HLTF: variants seen among roughly 807,000 people sequenced by gnomAD.
The protein encoded by HLTF is DNA-dependent ATPase/E3 ubiquitin-protein ligase HLTF.
A neutral mutation model predicts 129.4 loss-of-function variants in HLTF; 127 were observed. That is an observed-to-expected ratio of 0.98 (90% confidence interval 0.85 to 1.14). HLTF has a LOEUF of 1.14. Among genes scored for constraint, HLTF ranks in the 50% most tolerant of loss-of-function variants. The pLI, the probability that HLTF is intolerant of heterozygous loss-of-function variation, is 0.00. For missense variants in HLTF, 1,139 were observed against 1,187.1 expected (o/e 0.96, Z 0.60); for synonymous variants, 332 against 388.8 (o/e 0.85, Z 1.72).
chr3:149,076,546 C>T (rs1350848160), intron 2 of HLTF, among the ~76,000 whole-genome samples: 1 of 152,162 alleles, frequency 6.6e-6, no homozygotes, highest in African/African-American at 2.4e-5. Context: ...AGGATCTGAA[C>T]CCACACAGGG....
At position 149,042,103 on chromosome 3, in the gene HLTF, T is replaced by G. The variant is rs1377640025; in HGVS notation, c.2197+63A>C. ...TAAATGTATGCCACATAAAAAAAAT[T>G]TATCACTCTTATTTAAGTATCTCTG... On this transcript the variant is annotated intron_variant, in intron 19 of 24. Coordinates refer to ENST00000310053, the MANE Select transcript of HLTF (RefSeq NM_003071.4). 6 of 1,476,850 alleles carry G rather than the reference T, an allele frequency of 4.1e-6. No individual in the cohort carries two copies. The African/African-American group carries it at 4.2e-5, about 10-fold the overall frequency. 91.5% of individuals were successfully genotyped at this position (1,476,850 alleles called of 1,614,324 possible).
At chr3:149,055,421 T>C (rs574484682) in intron 13 of HLTF, 21 bp from the exon 14 acceptor site, 48 of 1,511,292 alleles carry the variant, frequency 3.2e-5, no homozygotes, top group African/African-American at 3.2e-4. Flanking sequence ...GAACCACTGA[T>C]AGAACCTTTA....
intron 13 of HLTF, among the ~76,000 whole-genome samples, chr3:149,058,887 T>C (rs895512029): frequency 6.6e-6 from 1 of 152,214 alleles, no homozygotes; most frequent in African/African-American, 2.4e-5. Flanking sequence ...GTAATTTAAT[T>C]CTATCTCAAC....
rs1576565678 is a variant in HLTF, at chr3:149,033,109, A to G, written c.2878-737T>C. Among the ~76,000 whole-genome samples, 4 of 152,290 alleles carry G rather than the reference A, an allele frequency of 2.6e-5. No individual in the cohort carries two copies. In the East Asian group the frequency reaches 7.7e-4, roughly 29 times the overall value. On this transcript the variant is annotated intron_variant, in intron 24 of 24. Transcript: ENST00000310053. ...TTTAAAATACCCCAACTAGGAATGA[A>G]TGTCTCAACCTTACATATTTAATGT...
chr3:149,039,520 C>A, intron 22 of HLTF, 61 bp downstream of exon 22: 1 of 775,748 alleles, frequency 1.3e-6, no homozygotes, highest in South Asian at 2.3e-5. Context: ...TTTTTGCTAT[C>A]CAAATCAATA....
intron 8 of HLTF, 63 bp downstream of exon 8, chr3:149,068,177 G>A: frequency 1.5e-6 from 1 of 676,650 alleles, no homozygotes; most frequent in Non-Finnish European, 2.6e-6. Context: ...TTTTAATGAT[G>A]AAATTTAAAG....
intron 14 of HLTF, 89 bp downstream of exon 14, chr3:149,055,214 C>T (rs1213999564): frequency 1.2e-6 from 1 of 824,610 alleles, no homozygotes; most frequent in Non-Finnish European, 1.9e-6. Flanking sequence ...AGTATATTTA[C>T]CCCAATGAAT....
intron 10 of HLTF, among the ~76,000 whole-genome samples, chr3:149,062,574 A>G (rs1166736869): frequency 6.6e-6 from 1 of 152,240 alleles, no homozygotes; most frequent in African/African-American, 2.4e-5. Flanking sequence ...CAGAAGATAA[A>G]TGAAGTTTGT....
Position 149,050,955 on chromosome 3 carries a change from A to C in HLTF, c.1474-580T>G, listed in dbSNP as rs145038700. 7.6e-3 allele frequency among the ~76,000 whole-genome samples: 1,161 copies of C among 152,232 alleles called. 11 individuals are homozygous for C. Among genetic ancestry groups the C allele is most frequent in the Non-Finnish European group, 0.013 (880 of 68,012 alleles). On this transcript the variant is annotated intron_variant, in intron 14 of 24. Coordinates refer to ENST00000310053, the MANE Select transcript of HLTF (RefSeq NM_003071.4). ...AATCATGAAAAAAACCAGACCTAGAAGATTTTCAGCAGAAAAAAATAGTCT... is the reference window on the plus strand; with the variant it reads ...AATCATGAAAAAAACCAGACCTAGACGATTTTCAGCAGAAAAAAATAGTCT...
At chr3:149,062,294 T>C (rs1005747052) in intron 10 of HLTF, among the ~76,000 whole-genome samples, 1 of 151,746 alleles carries the variant, frequency 6.6e-6, no homozygotes, top group Non-Finnish European at 1.5e-5. Flanking sequence ...TCTGATCTTG[T>C]CCAATTAACA....
At chr3:149,053,407 T>C (rs1717162925) in intron 14 of HLTF, among the ~76,000 whole-genome samples, 1 of 152,072 alleles carries the variant, frequency 6.6e-6, no homozygotes, top group African/African-American at 2.4e-5. Context: ...CTCTCCACTC[T>C]CTCTCTTACT....
At chr3:149,080,652 G>A (rs1362362379) in intron 2 of HLTF, among the ~76,000 whole-genome samples, 1 of 152,006 alleles carries the variant, frequency 6.6e-6, no homozygotes, top group Non-Finnish European at 1.5e-5. Context: ...TCATCTCAAG[G>A]TATTACATAA....
At chr3:149,042,429 C>T (rs1716209798) in intron 18 of HLTF, 139 bp from the exon 19 acceptor site, 1 of 719,120 alleles carries the variant, frequency 1.4e-6, no homozygotes, top group Non-Finnish European at 2.3e-6. Flanking sequence ...AGAAAAGCAA[C>T]TCTAATAAAA....
intron 13 of HLTF, among the ~76,000 whole-genome samples, chr3:149,057,521 G>A (rs1717575485): frequency 6.6e-6 from 1 of 152,180 alleles, no homozygotes; most frequent in African/African-American, 2.4e-5. Context: ...CGTCCTGCAG[G>A]GCAGACTGTG....
At chr3:149,062,535 C>A (rs1412371557) in intron 10 of HLTF, among the ~76,000 whole-genome samples, 1 of 152,136 alleles carries the variant, frequency 6.6e-6, no homozygotes, top group Non-Finnish European at 1.5e-5. Context: ...GTAGACAATA[C>A]AACAAAAGCC....
Position 149,046,181 on chromosome 3 carries a change from C to T in HLTF, c.1971G>A (p.Glu657=), listed in dbSNP as rs572259697. 4 of 1,607,080 alleles carry T rather than the reference C, an allele frequency of 2.5e-6. No homozygotes were observed. Among genetic ancestry groups the T allele is most frequent in the African/African-American group, 2.7e-5 (2 of 74,818 alleles). ...TSKIKGKPVL[E]LPERKVFIQH... ...GAATAAATACTTTACGTTCTGGTAA[C>T]TCCAAAACAGGTTTTCCTTTAATTT... The change falls in exon 18 of 25, where the codon GAG becomes GAA. Residue 657 remains glutamate, a synonymous_variant. Coordinates refer to ENST00000310053, the MANE Select transcript of HLTF (RefSeq NM_003071.4).
Position 149,032,181 on chromosome 3 carries a change from A to C in HLTF, c.*39T>G. ...TGTATTTTTCTCATTTCTAAAACTT[A>C]AGTATCCAATCAAACTGACCTTACT... On this transcript the variant is annotated 3_prime_UTR_variant, in exon 25 of 25. Transcript: ENST00000310053. 1.4e-6 allele frequency: 2 copies of C among 1,426,862 alleles called. No homozygotes were observed. The highest frequency in any genetic ancestry group is 1.9e-6 in the Non-Finnish European group (2 of 1,061,144). The allele number at this position is 1,426,862 out of a possible 1,614,324, so 88.4% of individuals were successfully genotyped here. A position where few individuals can be genotyped will look rare whatever the true frequency, so the allele number is the denominator to read the frequency against.
chr3:149,084,488 T>C (rs1184896813), intron 2 of HLTF, among the ~76,000 whole-genome samples, 194 bp downstream of exon 2: 1 of 152,198 alleles, frequency 6.6e-6, no homozygotes, highest in Admixed American at 6.5e-5. Flanking sequence ...TATTGGCTCA[T>C]TCCTGTAATC....
chr3:149,050,432 G>A, intron 14 of HLTF, 57 bp from the exon 15 acceptor site: 1 of 1,241,972 alleles, frequency 8.1e-7, no homozygotes. Flanking sequence ...AGACTTAATA[G>A]ATGTATAAAA....
Sources: gnomAD v4.1 joint callset for allele counts (sites outside exome capture counted in the v4.1 genomes callset) on GRCh38, gnomAD v4.1.1 for gene constraint, MANE v1.5 for transcripts, NCBI Gene and HGNC (gene_info 2026-07-23, HGNC 2026-07-21) for gene names.